Variants in CUX1 observed in about 807,000 individuals in gnomAD.
The protein encoded by CUX1 is protein CASP.
CUX1 carries 31 observed loss-of-function variants against 158.8 expected under a neutral mutation model. The ratio of observed to expected loss-of-function variants is 0.20; its 90% CI spans 0.15 to 0.26. The LOEUF is 0.26. Among genes scored for constraint, CUX1 ranks in the 10% least tolerant of loss-of-function variants. CUX1 has a pLI of 1.00. For synonymous variants in CUX1, 879 were observed against 862.1 expected (o/e 1.02, Z -0.34); for missense variants, 1,589 against 2,014.6 (o/e 0.79, Z 4.04).
intron 8 of CUX1, among the ~76,000 whole-genome samples, chr7:102,116,250 G>T (rs1411582921): frequency 6.6e-6 from 1 of 152,146 alleles, no homozygotes; most frequent in Non-Finnish European, 1.5e-5. Flanking sequence ...TCAGGATGCT[G>T]TGTGGGGTTC....
At chr7:102,060,477 C>T (rs541298279) in intron 3 of CUX1, among the ~76,000 whole-genome samples, 1 of 151,964 alleles carries the variant, frequency 6.6e-6, no homozygotes, top group Admixed American at 6.6e-5. Flanking sequence ...AGGAGGTTCC[C>T]ACATTTATAA....
intron 1 of CUX1, among the ~76,000 whole-genome samples, chr7:101,901,995 G>A (rs1053185883): frequency 4.6e-5 from 7 of 152,196 alleles, no homozygotes; most frequent in African/African-American, 1.7e-4. Context: ...TTTTACCAGC[G>A]CAGATGAGAT....
chr7:102,235,901 C>T (rs994278560), intron 22 of CUX1, among the ~76,000 whole-genome samples: 14 of 152,128 alleles, frequency 9.2e-5, no homozygotes, highest in African/African-American at 3.1e-4. Context: ...TCACCCAACC[C>T]GGGAAAGGAC....
At chr7:102,123,608 C>CAAAA (rs1248618884) in intron 8 of CUX1, among the ~76,000 whole-genome samples, 5 of 88,602 alleles carry the variant, frequency 5.6e-5, no homozygotes, top group Admixed American at 1.2e-4. Flanking sequence ...GACTCCGTCT[C>CAAAA]AAAAAAAAAA....
Position 102,249,693 on chromosome 7 carries a change from T to A in CUX1, c.*651T>A. On this transcript the variant is annotated 3_prime_UTR_variant, in exon 24 of 24. Transcript: ENST00000292535. Reference sequence around the variant, plus strand: ...GAAAAAATAAAAGGGGGGGTGGGATTTTTCAGAAAAATTAAAAAAGAAAGT... The same window carrying A: ...GAAAAAATAAAAGGGGGGGTGGGATATTTCAGAAAAATTAAAAAAGAAAGT... The A allele has an allele frequency of 1.0e-6, 1 of 985,620 alleles. No homozygotes were observed. Among genetic ancestry groups the A allele is most frequent in the Middle Eastern group, 5.2e-4 (1 of 1,914 alleles). 61.1% of individuals were successfully genotyped at this position (985,620 alleles called of 1,614,324 possible). A position where few individuals can be genotyped will look rare whatever the true frequency, so the allele number is the denominator to read the frequency against.
At chr7:101,849,031 CTG>C (rs1795992277) in intron 1 of CUX1, among the ~76,000 whole-genome samples, 2 of 151,924 alleles carry the variant, frequency 1.3e-5, no homozygotes, top group Admixed American at 1.3e-4. Context: ...ATCTTGAAGA[CTG>C]TCTCCAAGTA....
rs371366257 is a variant in CUX1 at position 102,211,938 on chromosome 7, G to A, written c.3130+6768G>A. On this transcript the variant is annotated intron_variant, in intron 20 of 23. Transcript: ENST00000292535. The stretch of plus-strand genomic sequence containing the variant: ...GCTGATGAGATGAGGCTGGGGGGCC[G>A]CCCCAAGAGCCACAGGAGGAAGGGC... Among the ~76,000 whole-genome samples, 124 of 152,254 alleles carry A rather than the reference G, an allele frequency of 8.1e-4. 2 individuals are homozygous for A. Among genetic ancestry groups the A allele is most frequent in the African/African-American group, 6.7e-4 (28 of 41,534 alleles).
chr7:102,035,652 C>CAAAA (rs10699446), intron 3 of CUX1, among the ~76,000 whole-genome samples: 16 of 90,606 alleles, frequency 1.8e-4, no homozygotes, highest in African/African-American at 4.6e-4. Context: ...GATAGCCAGC[C>CAAAA]AAAAAAAAAA....
intron 8 of CUX1, among the ~76,000 whole-genome samples, chr7:102,146,890 C>T (rs185336734): frequency 4.6e-5 from 7 of 152,254 alleles, no homozygotes; most frequent in Non-Finnish European, 1.0e-4. Context: ...TGAGCCACTG[C>T]GCCTGGCCTA....
chr7:102,275,803 G>A (rs1554547629), intron 17 of CUX1, among the ~76,000 whole-genome samples: 2 of 152,162 alleles, frequency 1.3e-5, no homozygotes, highest in African/African-American at 4.8e-5. Context: ...GAGGTTGGGA[G>A]TTTGAGACCA....
intron 1 of CUX1, among the ~76,000 whole-genome samples, chr7:101,900,966 CT>C (rs1268993277): frequency 1.3e-5 from 2 of 152,032 alleles, no homozygotes; most frequent in African/African-American, 2.4e-5. Flanking sequence ...CTCTCTGGAA[CT>C]TTTTTTTAAC....
intron 2 of CUX1, among the ~76,000 whole-genome samples, chr7:101,965,609 A>C (rs963997688): frequency 3.9e-5 from 6 of 152,070 alleles, no homozygotes; most frequent in African/African-American, 1.4e-4. Context: ...GCACTTTGGG[A>C]GGCCGAGGTG....
chr7:102,017,361 G>A (rs1017449714), intron 2 of CUX1, among the ~76,000 whole-genome samples: 1 of 150,814 alleles, frequency 6.6e-6, no homozygotes, highest in Non-Finnish European at 1.5e-5. Context: ...CAGTCCACAA[G>A]TATTCACTGT....
At chr7:102,138,677 A>T (rs1834145107) in intron 8 of CUX1, among the ~76,000 whole-genome samples, 1 of 152,186 alleles carries the variant, frequency 6.6e-6, no homozygotes, top group African/African-American at 2.4e-5. Context: ...CTTTTATAAG[A>T]TACTCTGGAC....
chr7:102,205,969 C>T (rs534436323), intron 20 of CUX1, among the ~76,000 whole-genome samples: 1 of 152,206 alleles, frequency 6.6e-6, no homozygotes, highest in Non-Finnish European at 1.5e-5. Context: ...GCACTGTGAG[C>T]TGGTCCTCTT....
In CUX1 at chr7:102,257,680, C is replaced by T. The variant is rs978856906; in HGVS notation, c.*8638C>T. The T allele has an allele frequency of 1.4e-5, 14 of 985,330 alleles. No individual in the cohort carries two copies. The East Asian group carries it at 8.0e-4, about 56-fold the overall frequency. The allele number at this position is 985,330 out of a possible 1,614,324, so 61.0% of individuals were successfully genotyped here. On this transcript the variant is annotated 3_prime_UTR_variant, in exon 24 of 24. Coordinates refer to ENST00000292535, the MANE Select transcript of CUX1 (RefSeq NM_181552.4). Reference sequence around the variant, plus strand: ...GCACTCACAGGGTGGCGGAATCTTCCGGAAAACTCTCTATAAGCTCAGCTC... The same window carrying T: ...GCACTCACAGGGTGGCGGAATCTTCTGGAAAACTCTCTATAAGCTCAGCTC...
intron 14 of CUX1, among the ~76,000 whole-genome samples, chr7:102,265,220 G>A (rs1468432196): frequency 2.6e-5 from 4 of 152,030 alleles, no homozygotes; most frequent in African/African-American, 9.7e-5. Context: ...GCCGGGCATG[G>A]TAGCGGGCGC....
chr7:102,104,369 G>A lies in CUX1; in HGVS notation c.440G>A (p.Arg147Gln), dbSNP rs759477180. Residue 147 changes from arginine (R) to glutamine (Q), a missense_variant, in exon 6 of 24, where the codon CGA (arginine) becomes CAA (glutamine). Physicochemically the swap from Arg to Gln is conservative, Grantham distance 43. Coordinates refer to ENST00000292535, the MANE Select transcript of CUX1 (RefSeq NM_181552.4). ...ATAAAAGCACTTAAAGAGAAAATCC[G>A]AGAATATGAACAGACACTGAAGAAC... Reference protein sequence around the residue: ...VTIKALKEKIREYEQTLKNQA... With the variant: ...VTIKALKEKIQEYEQTLKNQA... 12 of 1,609,764 alleles carry A rather than the reference G, an allele frequency of 7.5e-6. No homozygotes were observed. Among genetic ancestry groups the A allele is most frequent in the South Asian group, 2.2e-5 (2 of 90,984 alleles).
intron 8 of CUX1, among the ~76,000 whole-genome samples, chr7:102,138,074 C>T (rs556080460): frequency 1.3e-5 from 2 of 152,072 alleles, no homozygotes; most frequent in Non-Finnish European, 2.9e-5. Flanking sequence ...GTCTTAGCTA[C>T]TTTGGAGACT....
Sources: allele counts gnomAD v4.1 joint callset (sites outside exome capture counted in the v4.1 genomes callset), GRCh38; gene constraint gnomAD v4.1.1; transcripts MANE v1.5; gene names NCBI Gene and HGNC (gene_info 2026-07-23, HGNC 2026-07-21).